The following KPNA5 variants were observed in gnomAD, a reference collection of about 807,000 sequenced individuals.
The protein encoded by KPNA5 is karyopherin subunit alpha 5.
Under a neutral mutation model 71.3 loss-of-function variants are expected in KPNA5, and 46 were observed. That is an observed-to-expected ratio of 0.65 (90% CI 0.51 to 0.83). The LOEUF (loss-of-function observed/expected upper bound fraction) is 0.83. Among genes scored for constraint, KPNA5 ranks in the 40% least tolerant of loss-of-function variants. The pLI is 0.00. For synonymous variants in KPNA5, 207 were observed against 201.4 expected, an observed-to-expected ratio of 1.03 and a Z score of -0.24; for missense variants, 547 against 628.3, an observed-to-expected ratio of 0.87 and a Z score of 1.38.
chr6:116,726,619 T>G lies in KPNA5; in HGVS notation c.1250T>G (p.Ile417Arg), dbSNP rs1414076603. The G allele has an allele frequency of 6.3e-7, 1 of 1,592,598 alleles. No homozygotes were observed. Residue 417 changes from isoleucine to arginine, a missense_variant, in exon 12 of 14, where the codon ATA (isoleucine) becomes AGA (arginine). Coordinates refer to ENST00000368564, the MANE Select transcript of KPNA5 (RefSeq NM_001366306.2). ...NATSGGTPEQ[I>R]RYLVALGCIK... ...ACATCAGGAGGTACTCCAGAGCAAA[T>G]AAGGTATGATATAAACTTCTTAATT... is the stretch of plus-strand genomic sequence containing the variant.
At chr6:116,716,665 T>C (rs1256990175) in intron 8 of KPNA5, among the ~76,000 whole-genome samples, 1 of 152,230 alleles carries the variant, frequency 6.6e-6, no homozygotes, top group Non-Finnish European at 1.5e-5. Context: ...ACTTTTTCAT[T>C]GTAACTTTTA....
intron 1 of KPNA5, among the ~76,000 whole-genome samples, chr6:116,683,023 G>T (rs747741539): frequency 6.6e-6 from 1 of 152,142 alleles, no homozygotes; most frequent in African/African-American, 2.4e-5. Flanking sequence ...TATTTTATTT[G>T]GCTAAAATTT....
chr6:116,729,973 G>C (rs1312916239), intron 13 of KPNA5, among the ~76,000 whole-genome samples: 2 of 145,754 alleles, frequency 1.4e-5, no homozygotes, highest in African/African-American at 2.5e-5. Flanking sequence ...TGTATGTATA[G>C]TTTTATGTTC....
chr6:116,697,356 A>G (rs1583412211), intron 4 of KPNA5, among the ~76,000 whole-genome samples: 1 of 152,120 alleles, frequency 6.6e-6, no homozygotes, highest in African/African-American at 2.4e-5. Flanking sequence ...CTTGATGGGT[A>G]TAACTTTACT....
chr6:116,723,060 G>C (rs1779172726), intron 9 of KPNA5, among the ~76,000 whole-genome samples: 1 of 152,100 alleles, frequency 6.6e-6, no homozygotes, highest in Non-Finnish European at 1.5e-5. Context: ...ACACCCACTG[G>C]GGTGAGCAGA....
At position 116,737,268 on chromosome 6, in the gene KPNA5, G is replaced by C. The variant is rs563419034; in HGVS notation, c.*4945G>C. Reference sequence around the variant, plus strand: ...TTACAAGGGATTTTCACTTTGGCTAGTGGAACTTAAACTGTTCCTGATCAT... The same window carrying C: ...TTACAAGGGATTTTCACTTTGGCTACTGGAACTTAAACTGTTCCTGATCAT... On this transcript the variant is annotated 3_prime_UTR_variant, in exon 14 of 14. Coordinates refer to ENST00000368564, the MANE Select transcript of KPNA5 (RefSeq NM_001366306.2). The C allele has an allele frequency of 1.3e-5, 2 of 152,070 alleles. No homozygotes were observed. The highest frequency in any genetic ancestry group is 4.1e-4 in the South Asian group (2 of 4,824). 9.4% of individuals were successfully genotyped at this position (152,070 alleles called of 1,614,324 possible). A position where few individuals can be genotyped will look rare whatever the true frequency, so the allele number is the denominator to read the frequency against.
rs1163033457 is a variant in KPNA5 at position 116,726,489 on chromosome 6, T to C, written c.1126-6T>C. On this transcript the variant is annotated splice_region_variant and splice_polypyrimidine_tract_variant and intron_variant, in intron 11 of 13. Transcript: ENST00000368564. ...TGTACTGATTATATATTTTTCCCCC[T>C]CTCAGGCTGTTATAGATGCAAATAT... 2.5e-6 allele frequency: 4 copies of C among 1,580,264 alleles called. No individual in the cohort carries two copies. Among genetic ancestry groups the C allele is most frequent in the South Asian group, 2.3e-5 (2 of 87,668 alleles).
At chr6:116,729,167 G>A (rs1310354906) in intron 12 of KPNA5, among the ~76,000 whole-genome samples, 6 of 129,154 alleles carry the variant, frequency 4.6e-5, no homozygotes, top group African/African-American at 2.2e-4. Flanking sequence ...CCGTGTGTGT[G>A]TGTGTGTGTG....
intron 1 of KPNA5, among the ~76,000 whole-genome samples, chr6:116,689,076 G>C (rs1777695860): frequency 6.6e-6 from 1 of 152,142 alleles, no homozygotes; most frequent in Admixed American, 6.5e-5. Context: ...CAATAAGATA[G>C]GGTAAACTTT....
At chr6:116,705,261 T>C (rs1778396989) in intron 7 of KPNA5, 101 bp downstream of exon 7, 1 of 898,942 alleles carries the variant, frequency 1.1e-6, no homozygotes, top group Non-Finnish European at 1.7e-6. Context: ...AAATTTGTCT[T>C]ATGGTTATCA....
intron 9 of KPNA5, among the ~76,000 whole-genome samples, chr6:116,722,662 A>G (rs1779154177): frequency 6.6e-6 from 1 of 152,218 alleles, no homozygotes; most frequent in Admixed American, 6.5e-5. Flanking sequence ...ATTATTCATT[A>G]TAATAATTAA....
chr6:116,710,871 T>TCATATATATATATATATATATATA (rs1221307889), intron 7 of KPNA5, among the ~76,000 whole-genome samples: 1 of 103,832 alleles, frequency 9.6e-6, no homozygotes, highest in Admixed American at 1.1e-4. Flanking sequence ...AGTAATATTA[T>TCATATATATATATATATATATATA]TTTATATATA....
At chr6:116,726,061 A>AGTTTGTGTGTGT (rs1554258000) in intron 11 of KPNA5, among the ~76,000 whole-genome samples, 185 bp downstream of exon 11, 2 of 150,666 alleles carry the variant, frequency 1.3e-5, no homozygotes, top group African/African-American at 2.4e-5. Flanking sequence ...AAGAACATCA[A>AGTTTGTGTGTGT]GTGTGTGTGT....
rs1317757483 is a variant in KPNA5, at chr6:116,726,487, C to T, written c.1126-8C>T. ...TTTGTACTGATTATATATTTTTCCC[C>T]CTCTCAGGCTGTTATAGATGCAAAT... is the stretch of plus-strand genomic sequence containing the variant. On this transcript the variant is annotated splice_region_variant and splice_polypyrimidine_tract_variant and intron_variant, in intron 11 of 13. Transcript: ENST00000368564. 6 of 1,605,804 alleles carry T rather than the reference C, an allele frequency of 3.7e-6. No homozygotes were observed. Among genetic ancestry groups the T allele is most frequent in the Non-Finnish European group, 5.1e-6 (6 of 1,174,922 alleles).
Position 116,740,322 on chromosome 6 carries a change from AT to A in KPNA5, c.*8000del, listed in dbSNP as rs1284119847. ...CCATCTCACACCAGTCAGAATGGCAATCATTAAAAAGTCAGGAAACAACAGG... is the reference window on the plus strand; with the variant it reads ...CCATCTCACACCAGTCAGAATGGCAACATTAAAAAGTCAGGAAACAACAGG... On this transcript the variant is annotated 3_prime_UTR_variant, in exon 14 of 14. Transcript: ENST00000368564. 6.6e-6 allele frequency: 1 copy of A among 152,214 alleles called. No homozygotes were observed. Among genetic ancestry groups the A allele is most frequent in the Non-Finnish European group, 1.5e-5 (1 of 68,034 alleles). The allele number at this position is 152,214 out of a possible 1,614,324, so 9.4% of individuals were successfully genotyped here. A position where few individuals can be genotyped will look rare whatever the true frequency, so the allele number is the denominator to read the frequency against.
chr6:116,741,508 A>G lies in KPNA5; in HGVS notation c.*9185A>G, dbSNP rs1341922948. 2.6e-5 allele frequency: 4 copies of G among 152,332 alleles called. No individual in the cohort carries two copies. Among genetic ancestry groups the G allele is most frequent in the African/African-American group, 9.7e-5 (4 of 41,428 alleles). The allele number at this position is 152,332 out of a possible 1,614,324, so 9.4% of individuals were successfully genotyped here. On this transcript the variant is annotated 3_prime_UTR_variant, in exon 14 of 14. Transcript: ENST00000368564. ...TTTCCCTTTGGTCTTTGTGGTAGAAATGACAGACTTTTTCATTGAATGATG... is the reference window on the plus strand; with the variant it reads ...TTTCCCTTTGGTCTTTGTGGTAGAAGTGACAGACTTTTTCATTGAATGATG...
In KPNA5 at chr6:116,738,657, C is replaced by T. The variant is rs1779757370; in HGVS notation, c.*6334C>T. 6.6e-6 allele frequency: 1 copy of T among 151,482 alleles called. No homozygotes were observed. Among genetic ancestry groups the T allele is most frequent in the African/African-American group, 2.4e-5 (1 of 41,340 alleles). 9.4% of individuals were successfully genotyped at this position (151,482 alleles called of 1,614,324 possible). ...CATCAAAAAGCTTATCCACCATGAT[C>T]AAGTGGGCTTCATCCCTGGGATGCA... On this transcript the variant is annotated 3_prime_UTR_variant, in exon 14 of 14. Transcript: ENST00000368564.
At chr6:116,707,273 ATATTT>A (rs1279676669) in intron 7 of KPNA5, among the ~76,000 whole-genome samples, 13 of 152,314 alleles carry the variant, frequency 8.5e-5, no homozygotes, top group African/African-American at 3.1e-4. Context: ...TGTTTGAGTG[ATATTT>A]TAATTTATTT....
chr6:116,705,216 C>T, intron 7 of KPNA5, 56 bp downstream of exon 7: 1 of 1,274,456 alleles, frequency 7.8e-7, no homozygotes. Context: ...CCATGATATT[C>T]TACATACATA....
Sources: allele counts gnomAD v4.1 joint callset (sites outside exome capture counted in the v4.1 genomes callset), GRCh38; gene constraint gnomAD v4.1.1; transcripts MANE v1.5; gene names NCBI Gene and HGNC (gene_info 2026-07-23, HGNC 2026-07-21).